The following PLPP1 variants were observed in gnomAD, a reference collection of about 807,000 sequenced individuals.
PLPP1 encodes the protein lipid phosphate phosphohydrolase 1a.
PLPP1 carries 24 observed loss-of-function variants against 31.2 expected under a neutral mutation model. That is an observed-to-expected ratio of 0.77 (90% CI 0.56 to 1.08). The LOEUF (loss-of-function observed/expected upper bound fraction) is 1.08, where lower values mean the gene tolerates loss of function less well. Ranked by LOEUF, PLPP1 falls within the 50% of genes least tolerant of loss-of-function variation. PLPP1 has a pLI of 0.00. For synonymous variants in PLPP1, 146 were observed against 126.3 expected, an observed-to-expected ratio of 1.16 and a Z score of -1.05; for missense variants, 319 against 342.7, an observed-to-expected ratio of 0.93 and a Z score of 0.55.
At chr5:55,490,307 C>G (rs746240942) in intron 1 of PLPP1, among the ~76,000 whole-genome samples, 4 of 151,798 alleles carry the variant, frequency 2.6e-5, no homozygotes, top group Non-Finnish European at 4.4e-5. Context: ...TGCGCCACCA[C>G]GCCCGGCTAA....
At chr5:55,471,528 C>T (rs534873823) in intron 2 of PLPP1, among the ~76,000 whole-genome samples, 1 of 152,198 alleles carries the variant, frequency 6.6e-6, no homozygotes, top group African/African-American at 2.4e-5. Context: ...TCAACTCTCA[C>T]TTACTTTAAC....
At chr5:55,490,884 C>T (rs936312591) in intron 1 of PLPP1, 1 of 1,456,402 alleles carries the variant, frequency 6.9e-7, no homozygotes, top group Non-Finnish European at 9.4e-7. Context: ...TGTGGATTTA[C>T]CCCCGCCCCA....
intron 4 of PLPP1, among the ~76,000 whole-genome samples, chr5:55,436,238 T>A: frequency 6.6e-6 from 1 of 152,246 alleles, no homozygotes; most frequent in East Asian, 1.9e-4. Flanking sequence ...TCCCAAATGA[T>A]ATGGCTTGGC....
rs1053081452 is a variant in PLPP1 at position 55,424,964 on chromosome 5, T to G, written c.*242A>C. On this transcript the variant is annotated 3_prime_UTR_variant, in exon 6 of 6. Transcript: ENST00000307259. ...AAGCATTACATTTTTTTAATAAAAATGTATACAGGTGGGGCACTGTTTTGG... is the reference window on the plus strand; with the variant it reads ...AAGCATTACATTTTTTTAATAAAAAGGTATACAGGTGGGGCACTGTTTTGG... 1.6e-6 allele frequency: 1 copy of G among 642,024 alleles called. No homozygotes were observed. The allele number at this position is 642,024 out of a possible 1,614,324, so 39.8% of individuals were successfully genotyped here. A position where few individuals can be genotyped will look rare whatever the true frequency, so the allele number is the denominator to read the frequency against.
chr5:55,483,856 T>A (rs985962129), intron 1 of PLPP1, among the ~76,000 whole-genome samples: 1 of 152,070 alleles, frequency 6.6e-6, no homozygotes, highest in Non-Finnish European at 1.5e-5. Context: ...TATAATGGGA[T>A]TTTAAATAAT....
intron 1 of PLPP1, among the ~76,000 whole-genome samples, chr5:55,522,427 G>A (rs35785311): frequency 0.062 from 9,378 of 152,082 alleles, 523 homozygotes; most frequent in African/African-American, 0.13. Flanking sequence ...ACAGAGTCTC[G>A]CTCTGTTGCC....
chr5:55,460,142 AG>A (rs371735851), intron 3 of PLPP1, among the ~76,000 whole-genome samples: 2 of 152,214 alleles, frequency 1.3e-5, no homozygotes, highest in Admixed American at 6.5e-5. Flanking sequence ...TTGACTGCAC[AG>A]GGGGTCAGCG....
intron 1 of PLPP1, among the ~76,000 whole-genome samples, chr5:55,489,467 A>C (rs1447639030): frequency 6.6e-6 from 1 of 152,166 alleles, no homozygotes; most frequent in Admixed American, 6.5e-5. Flanking sequence ...ATTTCTTAGA[A>C]AAAGAAGTAT....
chr5:55,433,049 C>G (rs1170413178), intron 4 of PLPP1, among the ~76,000 whole-genome samples: 1 of 151,436 alleles, frequency 6.6e-6, no homozygotes, highest in African/African-American at 2.4e-5. Flanking sequence ...TGGCTCACAC[C>G]TGTAATCCCA....
chr5:55,521,864 T>C (rs1382755498), intron 1 of PLPP1, among the ~76,000 whole-genome samples: 1 of 152,218 alleles, frequency 6.6e-6, no homozygotes, highest in South Asian at 2.1e-4. Flanking sequence ...GTGAAACATT[T>C]ACCAAACGCA....
intron 1 of PLPP1, among the ~76,000 whole-genome samples, chr5:55,516,858 T>C (rs1234022114): frequency 4.6e-5 from 7 of 152,250 alleles, no homozygotes; most frequent in Admixed American, 1.3e-4. Flanking sequence ...TTCTAAGCTC[T>C]TTTAAAAGGT....
intron 1 of PLPP1, among the ~76,000 whole-genome samples, chr5:55,509,682 T>TA (rs1205391793): frequency 6.6e-6 from 1 of 152,194 alleles, no homozygotes; most frequent in Admixed American, 6.5e-5. Context: ...AATGAGCTTT[T>TA]AAAAAATCAC....
At chr5:55,500,055 G>A (rs1237804778) in intron 1 of PLPP1, among the ~76,000 whole-genome samples, 1 of 149,702 alleles carries the variant, frequency 6.7e-6, no homozygotes, top group African/African-American at 2.5e-5. Flanking sequence ...ATCATATATG[G>A]TATAATTTGA....
chr5:55,523,817 G>T (rs1032544489), intron 1 of PLPP1, among the ~76,000 whole-genome samples: 12 of 152,040 alleles, frequency 7.9e-5, no homozygotes, highest in African/African-American at 2.9e-4. Context: ...AACTCATTTT[G>T]TTCCTTAAAT....
chr5:55,443,758 A>G (rs1751688143), intron 3 of PLPP1, among the ~76,000 whole-genome samples: 1 of 152,248 alleles, frequency 6.6e-6, no homozygotes, highest in African/African-American at 2.4e-5. Flanking sequence ...TTTATTCAGT[A>G]TAGAATTTGT....
intron 2 of PLPP1, among the ~76,000 whole-genome samples, chr5:55,469,763 T>C (rs1752380593): frequency 6.6e-6 from 1 of 152,200 alleles, no homozygotes; most frequent in South Asian, 2.1e-4. Context: ...AAGAATCTGA[T>C]ACCTAAAATC....
At chr5:55,468,215 T>A in intron 2 of PLPP1, 66 bp from the exon 3 acceptor site, 1 of 1,372,192 alleles carries the variant, frequency 7.3e-7, no homozygotes, top group Non-Finnish European at 9.9e-7. Flanking sequence ...AAACAAAACA[T>A]AGGGGGAAAA....
At chr5:55,425,498 T>C in intron 5 of PLPP1, 164 bp from the exon 6 acceptor site, 2 of 622,252 alleles carry the variant, frequency 3.2e-6, no homozygotes, top group Non-Finnish European at 2.5e-6. Flanking sequence ...TTTTTAAAGA[T>C]TATTCCAAAT....
intron 1 of PLPP1, chr5:55,530,319 C>T (rs1740615409): frequency 1.4e-6 from 2 of 1,456,152 alleles, no homozygotes; most frequent in African/African-American, 1.4e-5. Flanking sequence ...AAGAGATACA[C>T]AAATAGGACA....
Sources: allele counts gnomAD v4.1 joint callset (sites outside exome capture counted in the v4.1 genomes callset), GRCh38; gene constraint gnomAD v4.1.1; transcripts MANE v1.5; gene names NCBI Gene and HGNC (gene_info 2026-07-23, HGNC 2026-07-21).